The following SLC22A23 variants were observed in gnomAD, a reference collection of about 807,000 sequenced individuals.
The protein encoded by SLC22A23 is ion transporter protein.
A neutral mutation model predicts 61.0 loss-of-function variants in SLC22A23; 26 were observed. The ratio of observed to expected loss-of-function variants is 0.43; its 90% CI spans 0.31 to 0.59. The LOEUF (loss-of-function observed/expected upper bound fraction) is 0.59. Ranked by LOEUF, SLC22A23 falls within the 20% of genes least tolerant of loss-of-function variation. SLC22A23 has a pLI of 0.11. For missense variants in SLC22A23, 796 were observed against 934.7 expected (o/e 0.85, Z 1.94); for synonymous variants, 430 against 413.9 (o/e 1.04, Z -0.47).
At chr6:3,274,053 C>CAA (rs1758678447) in intron 9 of SLC22A23, among the ~76,000 whole-genome samples, 1 of 152,198 alleles carries the variant, frequency 6.6e-6, no homozygotes, top group Admixed American at 6.5e-5. Context: ...TGTGCACTGA[C>CAA]AGAGAGGAAC....
chr6:3,317,092 C>A lies in SLC22A23; in HGVS notation c.1082+6742G>T, dbSNP rs114081417. Among the ~76,000 whole-genome samples the A allele has an allele frequency of 6.6e-6, 1 of 152,218 alleles. No homozygotes were observed. The highest frequency in any genetic ancestry group is 2.4e-5 in the African/African-American group (1 of 41,450). ...CTTGAGATAAACACCACATGGCAGC[C>A]TCTCCAACAGCCTTCTCCCTCCCTT... On this transcript the variant is annotated intron_variant, in intron 4 of 9. Transcript: ENST00000406686. This position sits in a 1 kb window ranked among gnomAD's most constrained non-coding sequence, Gnocchi z 4.4.
chr6:3,403,329 C>G (rs1399967898), intron 3 of SLC22A23, among the ~76,000 whole-genome samples: 3 of 151,818 alleles, frequency 2.0e-5, no homozygotes, highest in African/African-American at 7.3e-5. Flanking sequence ...GCTTCAGGTC[C>G]CATCCTGTCT....
intron 3 of SLC22A23, among the ~76,000 whole-genome samples, chr6:3,357,223 T>C (rs1172770733): frequency 1.3e-5 from 2 of 152,188 alleles, no homozygotes; most frequent in South Asian, 2.1e-4. Context: ...ACAAACTCCC[T>C]TACCTTAAGC....
At chr6:3,385,736 T>C (rs1039144404) in intron 3 of SLC22A23, among the ~76,000 whole-genome samples, 2 of 152,198 alleles carry the variant, frequency 1.3e-5, no homozygotes, top group African/African-American at 4.8e-5. Context: ...CCATGCTCAG[T>C]GCCAGCCACT....
chr6:3,323,833 C>T lies in SLC22A23; in HGVS notation c.1082+1G>A, dbSNP rs759182239. On this transcript the variant is annotated splice_donor_variant, in intron 4 of 9. Coordinates refer to ENST00000406686, the MANE Select transcript of SLC22A23 (RefSeq NM_015482.2). LOFTEE classifies it high-confidence loss of function. The stretch of plus-strand genomic sequence containing the variant: ...CAGGGCGCTGTGCAGAGTGTACTCA[C>T]GACCAGTAGAGCAGCATGAGCAGGA... 1.9e-6 allele frequency: 3 copies of T among 1,612,988 alleles called. No homozygotes were observed. The highest frequency in any genetic ancestry group is 1.1e-5 in the South Asian group (1 of 90,876).
At chr6:3,455,258 TGTAA>T (rs1772337466) in intron 1 of SLC22A23, among the ~76,000 whole-genome samples, 1 of 152,206 alleles carries the variant, frequency 6.6e-6, no homozygotes, top group Non-Finnish European at 1.5e-5. Flanking sequence ...GCAGCTGCTG[TGTAA>T]GAGCGGTGAC....
In SLC22A23 at chr6:3,299,998, CTTTTTTTTT is replaced by C. The variant is rs869114176; in HGVS notation, c.1083-1789_1083-1781del. Among the ~76,000 whole-genome samples, 158 of 78,802 alleles carry C rather than the reference CTTTTTTTTT, an allele frequency of 2.0e-3. No homozygotes were observed. In the East Asian group the frequency reaches 0.05, roughly 25 times the overall value. The allele number at this position is 78,802 out of a possible 152,430, so 51.7% of individuals were successfully genotyped here. A position where few individuals can be genotyped will look rare whatever the true frequency, so the allele number is the denominator to read the frequency against. On this transcript the variant is annotated intron_variant, in intron 4 of 9. Transcript: ENST00000406686. ...ACCTGCTTTGCAAGCTCAGGATAGACTTTTTTTTTTTTTTTTTTTTTTTTTTTTTTGAGA... is the reference window on the plus strand; with the variant it reads ...ACCTGCTTTGCAAGCTCAGGATAGACTTTTTTTTTTTTTTTTTTTTTGAGA...
At chr6:3,424,608 G>T (rs568559229) in intron 1 of SLC22A23, among the ~76,000 whole-genome samples, 2 of 152,142 alleles carry the variant, frequency 1.3e-5, no homozygotes, top group African/African-American at 4.8e-5. Context: ...GATAAAACAC[G>T]TAGACTGTTC....
intron 3 of SLC22A23, among the ~76,000 whole-genome samples, chr6:3,408,667 T>C (rs1768990026): frequency 6.6e-6 from 1 of 152,228 alleles, no homozygotes; most frequent in Non-Finnish European, 1.5e-5. Flanking sequence ...ATAAAACCAA[T>C]ACACCATCTT....
intron 4 of SLC22A23, among the ~76,000 whole-genome samples, chr6:3,315,420 T>C (rs888856722): frequency 6.6e-6 from 1 of 152,212 alleles, no homozygotes; most frequent in African/African-American, 2.4e-5. Context: ...TTTCATCGCT[T>C]CCAGGAATAC....
At chr6:3,337,446 CTTT>C (rs112272605) in intron 3 of SLC22A23, among the ~76,000 whole-genome samples, 11 of 143,618 alleles carry the variant, frequency 7.7e-5, no homozygotes, top group African/African-American at 1.8e-4. Context: ...TTACAATTCC[CTTT>C]TTTTTTTTTT....
At chr6:3,284,038 G>A (rs2127310001) in intron 8 of SLC22A23, 63 bp from the exon 9 acceptor site, 1 of 1,524,448 alleles carries the variant, frequency 6.6e-7, no homozygotes, top group East Asian at 2.3e-5. Flanking sequence ...GTGGGAGGGA[G>A]GCCTGGGGCT....
At chr6:3,406,497 T>C (rs1768837457) in intron 3 of SLC22A23, among the ~76,000 whole-genome samples, 1 of 151,906 alleles carries the variant, frequency 6.6e-6, no homozygotes, top group African/African-American at 2.4e-5. Context: ...TCCGTGCCCC[T>C]CGCCTTGCTA....
intron 3 of SLC22A23, among the ~76,000 whole-genome samples, chr6:3,368,840 C>T (rs1236485996): frequency 6.6e-6 from 1 of 152,108 alleles, no homozygotes; most frequent in Non-Finnish European, 1.5e-5. Flanking sequence ...ATGTGAGTTG[C>T]CAGGAAGGTG....
At chr6:3,373,200 C>G (rs1160723688) in intron 3 of SLC22A23, among the ~76,000 whole-genome samples, 1 of 152,242 alleles carries the variant, frequency 6.6e-6, no homozygotes, top group Non-Finnish European at 1.5e-5. Flanking sequence ...ACCCCCCGGG[C>G]ACTAAGTCTC....
At chr6:3,377,773 T>A (rs983805286) in intron 3 of SLC22A23, 1 of 152,334 alleles carries the variant, frequency 6.6e-6, no homozygotes, top group Non-Finnish European at 1.5e-5. Context: ...ATTGACAACA[T>A]CCCAAGATGG....
At chr6:3,345,661 C>T (rs1244114739) in intron 3 of SLC22A23, among the ~76,000 whole-genome samples, 2 of 152,124 alleles carry the variant, frequency 1.3e-5, no homozygotes, top group African/African-American at 4.8e-5. Flanking sequence ...CACCACACCC[C>T]ACCCTAGTAG....
intron 1 of SLC22A23, among the ~76,000 whole-genome samples, chr6:3,430,205 T>C (rs10498663): frequency 0.52 from 78,809 of 152,020 alleles, 20,849 homozygotes; most frequent in South Asian, 0.74. Context: ...TTACAGGTTA[T>C]ATTCGCGAGA....
intron 4 of SLC22A23, chr6:3,312,787 C>T (rs13437481): frequency 0.052 from 7,992 of 152,490 alleles, 307 homozygotes; most frequent in African/African-American, 0.1. Flanking sequence ...TGGTCTCTGT[C>T]GGTTGCCAAC....
Sources: gnomAD v4.1 joint callset for allele counts (sites outside exome capture counted in the v4.1 genomes callset) on GRCh38, gnomAD v4.1.1 for gene constraint, Gnocchi (gnomAD v3.1) non-coding constraint, MANE v1.5 for transcripts, NCBI Gene and HGNC (gene_info 2026-07-23, HGNC 2026-07-21) for gene names.